Variants in CSF1R observed in about 807,000 individuals in gnomAD.
CSF1R encodes the protein macrophage colony-stimulating factor 1 receptor.
Under a neutral mutation model 110.0 loss-of-function variants are expected in CSF1R, and 40 were observed. The observed-to-expected ratio is 0.36, with a 90% CI of 0.28 to 0.47. CSF1R has a LOEUF of 0.47. Ranked by LOEUF, CSF1R falls within the 20% of genes least tolerant of loss-of-function variation. CSF1R has a pLI of 0.99. For missense variants in CSF1R, 1,052 were observed against 1,253.0 expected (o/e 0.84, Z 2.42); for synonymous variants, 523 against 503.4 (o/e 1.04, Z -0.52).
chr5:150,079,917 T>G (rs747499143), intron 3 of CSF1R, 135 bp downstream of exon 3: 2 of 1,092,744 alleles, frequency 1.8e-6, no homozygotes, highest in Non-Finnish European at 2.6e-6. Flanking sequence ...GTGGAACCAT[T>G]GAGGGGAAGA....
At chr5:150,072,371 G>A (rs1758066479) in intron 6 of CSF1R, among the ~76,000 whole-genome samples, 1 of 152,064 alleles carries the variant, frequency 6.6e-6, no homozygotes, top group Non-Finnish European at 1.5e-5. Context: ...GTGGGCATCT[G>A]TAATCCCAGC....
At chr5:150,056,491 C>T in intron 16 of CSF1R, 150 bp from the exon 17 acceptor site, 1 of 920,326 alleles carries the variant, frequency 1.1e-6, no homozygotes, top group Non-Finnish European at 1.6e-6. Context: ...TTGTCTATAC[C>T]TTCTACCAGG....
chr5:150,109,014 C>T (rs1216864533), intron 1 of CSF1R, among the ~76,000 whole-genome samples: 2 of 151,846 alleles, frequency 1.3e-5, no homozygotes, highest in African/African-American at 4.8e-5. Context: ...GGGAAACTTT[C>T]ATGGCCCAGA....
chr5:150,055,418 G>T, intron 18 of CSF1R, 82 bp from the exon 19 acceptor site: 1 of 1,196,264 alleles, frequency 8.4e-7, no homozygotes, highest in Non-Finnish European at 1.2e-6. Context: ...CTTAGACTGG[G>T]TTTAAAGGGT....
intron 5 of CSF1R, among the ~76,000 whole-genome samples, chr5:150,076,217 G>C (rs954095073): frequency 9.9e-5 from 15 of 152,188 alleles, no homozygotes; most frequent in African/African-American, 3.6e-4. Context: ...CAGCCTCCAG[G>C]TTCCCACCCA....
intron 14 of CSF1R, chr5:150,058,030 A>G (rs964461913): frequency 1.1e-5 from 4 of 360,426 alleles, no homozygotes; most frequent in Non-Finnish European, 2.2e-5. Context: ...TTTTAGGATC[A>G]GGCTAATTAC....
intron 4 of CSF1R, among the ~76,000 whole-genome samples, chr5:150,077,757 G>A (rs1758334796): frequency 6.6e-6 from 1 of 152,128 alleles, no homozygotes; most frequent in Non-Finnish European, 1.5e-5. Context: ...TTCTGAAATA[G>A]CTGTTATATT....
chr5:150,105,384 ATTT>A (rs35556562), intron 1 of CSF1R, among the ~76,000 whole-genome samples: 19,067 of 84,232 alleles, frequency 0.23, 2,546 homozygotes, highest in Middle Eastern at 0.4. Context: ...ATATATATAT[ATTT>A]TTTTTTTTTT....
intron 1 of CSF1R, among the ~76,000 whole-genome samples, chr5:150,105,397 T>A (rs1759526608): frequency 7.4e-6 from 1 of 134,764 alleles, no homozygotes; most frequent in Non-Finnish European, 1.6e-5. Context: ...TTTTTTTTTT[T>A]AATAGAGGCG....
chr5:150,111,711 C>T (rs1759723732), intron 1 of CSF1R, among the ~76,000 whole-genome samples: 1 of 152,244 alleles, frequency 6.6e-6, no homozygotes, highest in South Asian at 2.1e-4. Flanking sequence ...ATCCCTGCCA[C>T]ACTGACCAGA....
rs139200263 is a variant in CSF1R, at chr5:150,084,799, C to T, written c.49+1580G>A. Among the ~76,000 whole-genome samples, 190 of 152,228 alleles carry T rather than the reference C, an allele frequency of 1.2e-3. 1 individual carries two copies. The highest frequency in any genetic ancestry group is 4.4e-3 in the African/African-American group (183 of 41,542). ...AAAATAAAATTAAATTGAGACCTGG[C>T]TCAGATACTTTTCCGTTTTTGCCCC... On this transcript the variant is annotated intron_variant, in intron 1 of 20. Transcript: ENST00000675795.
At chr5:150,094,289 TCCGG>T in intron 1 of CSF1R, 1 of 1,540,536 alleles carries the variant, frequency 6.5e-7, no homozygotes, top group Admixed American at 1.9e-5. Flanking sequence ...AGTTTTTTTT[TCCGG>T]CTGGAACCAT....
chr5:150,055,987 C>T (rs2113777824), intron 18 of CSF1R, 39 bp downstream of exon 18: 2 of 1,584,938 alleles, frequency 1.3e-6, no homozygotes, highest in Non-Finnish European at 1.7e-6. Flanking sequence ...CCAGAGGAGC[C>T]AGCCCCAGGC....
At chr5:150,094,159 A>G in intron 1 of CSF1R, 2 of 569,336 alleles carry the variant, frequency 3.5e-6, no homozygotes. Context: ...CAGACAAAAT[A>G]GACTTCAGAA....
chr5:150,084,288 G>C (rs1434742120), intron 1 of CSF1R, among the ~76,000 whole-genome samples: 1 of 150,158 alleles, frequency 6.7e-6, no homozygotes, highest in Non-Finnish European at 1.5e-5. Flanking sequence ...CGAGATCCAT[G>C]CCATTGCACT....
At chr5:150,108,066 A>C (rs1430770744) in intron 1 of CSF1R, among the ~76,000 whole-genome samples, 34 of 152,032 alleles carry the variant, frequency 2.2e-4, no homozygotes, top group Admixed American at 2.1e-3. Flanking sequence ...AAGGGTGAGG[A>C]GTTGGGGGAG....
chr5:150,059,856 A>G lies in CSF1R; in HGVS notation c.1976T>C (p.Val659Ala), dbSNP rs773785340. The stretch of plus-strand genomic sequence containing the variant: ...GCAACAGTACTCCGTGATGACCAGT[A>G]CAGGGCCTAGAGCAGCCAAGGGTGT... ...LLGACTHGGP[V>A]LVITEYCCYG... Residue 659 changes from valine (V) to alanine (A), a missense_variant, in exon 14 of 21, where the codon GTA becomes GCA. Coordinates refer to ENST00000675795, the MANE Select transcript of CSF1R (RefSeq NM_001288705.3). The G allele has an allele frequency of 6.2e-7, 1 of 1,612,138 alleles. No individual in the cohort carries two copies. The highest frequency in any genetic ancestry group is 8.5e-7 in the Non-Finnish European group (1 of 1,178,544).
In CSF1R at chr5:150,077,281, A is replaced by G; in HGVS notation, c.884T>C (p.Val295Ala). ...ACCACCACCCTGATGCTTACCTACC[A>G]CCCGGAAGAACATGGAGGTGGAGTG... ...GKHSTSMFFR[V>A]VESAYLNLSS... The change falls in exon 5 of 21, where the codon GTG becomes GCG. Residue 295 changes from valine to alanine, a missense_variant. Val to Ala is a moderately conservative substitution (Grantham distance 64). Around this residue, in one of 5 missense-constraint regions of CSF1R, gnomAD observed 693 missense variants for 735.4 expected, o/e 0.94. Coordinates refer to ENST00000675795, the MANE Select transcript of CSF1R (RefSeq NM_001288705.3). 2.5e-6 allele frequency: 4 copies of G among 1,613,968 alleles called. No homozygotes were observed. The highest frequency in any genetic ancestry group is 3.3e-4 in the Middle Eastern group (2 of 6,062).
intron 19 of CSF1R, 120 bp downstream of exon 19, chr5:150,055,117 G>T: frequency 1.2e-6 from 1 of 814,922 alleles, no homozygotes; most frequent in Non-Finnish European, 2.0e-6. Context: ...CACTATGGGA[G>T]AGATAAAGTC....
Sources: allele counts gnomAD v4.1 joint callset (sites outside exome capture counted in the v4.1 genomes callset), GRCh38; gene constraint gnomAD v4.1.1; regional missense constraint gnomAD v4.1.1; transcripts MANE v1.5; gene names NCBI Gene and HGNC (gene_info 2026-07-23, HGNC 2026-07-21).